SAMD12: variants seen among roughly 807,000 people sequenced by gnomAD.
SAMD12 encodes sterile alpha motif domain containing 12, also known as sterile alpha motif domain-containing protein 12.
A neutral mutation model predicts 15.0 loss-of-function variants in SAMD12; 9 were observed. That is an observed-to-expected ratio of 0.60 (90% CI 0.36 to 1.05). SAMD12 has a LOEUF of 1.05. SAMD12 is among the 50% of genes least tolerant of loss of function. The pLI, the probability that SAMD12 is intolerant of heterozygous loss-of-function variation, is 0.01. For synonymous variants in SAMD12, 86 were observed against 90.1 expected (o/e 0.96, Z 0.25); for missense variants, 230 against 234.2 (o/e 0.98, Z 0.12).
chr8:118,476,150 G>C (rs149727721), intron 2 of SAMD12, among the ~76,000 whole-genome samples: 1,582 of 152,268 alleles, frequency 0.01, 31 homozygotes, highest in African/African-American at 0.035. Context: ...CACACTTCCT[G>C]ACCTGAATGA....
chr8:118,139,361 G>T, the SAMD12 span, among the ~76,000 whole-genome samples: 1 of 152,070 alleles, frequency 6.6e-6, no homozygotes, highest in South Asian at 2.1e-4. Context: ...TATTTGTTTA[G>T]TTTTAGTTTA....
chr8:118,144,136 C>T, the SAMD12 span, among the ~76,000 whole-genome samples: 16 of 152,072 alleles, frequency 1.1e-4, no homozygotes, highest in African/African-American at 3.6e-4. Context: ...TGTGTTTTCT[C>T]CTCTGTGTGT....
At chr8:118,518,356 T>C (rs1212455578) in intron 2 of SAMD12, among the ~76,000 whole-genome samples, 2 of 152,194 alleles carry the variant, frequency 1.3e-5, no homozygotes, top group Admixed American at 6.5e-5. Context: ...GAACCTGTGA[T>C]AGGAAGTAAC....
At chr8:118,458,321 T>A (rs971105099) in intron 2 of SAMD12, among the ~76,000 whole-genome samples, 3 of 152,198 alleles carry the variant, frequency 2.0e-5, no homozygotes, top group African/African-American at 7.2e-5. Context: ...TCATCTTCTG[T>A]CTTTGCATGC....
intron 4 of SAMD12, among the ~76,000 whole-genome samples, chr8:118,278,996 GGGCTTCCCTAGCTCTGC>G (rs1813539491): frequency 3.9e-5 from 6 of 152,132 alleles, no homozygotes; most frequent in Admixed American, 3.9e-4. Context: ...CTTTCCCAAT[GGGCTTCCCTAGCTCTGC>G]TATTAAAAAT....
intron 4 of SAMD12, among the ~76,000 whole-genome samples, chr8:118,212,280 G>C (rs1052290312): frequency 2.6e-5 from 4 of 151,914 alleles, no homozygotes; most frequent in Admixed American, 6.6e-5. Flanking sequence ...GACTACAGGT[G>C]TGTGCCACCA....
At chr8:118,420,086 C>T (rs1013495928) in intron 3 of SAMD12, among the ~76,000 whole-genome samples, 1 of 152,180 alleles carries the variant, frequency 6.6e-6, no homozygotes, top group African/African-American at 2.4e-5. Flanking sequence ...GCCTTGGAGA[C>T]GTATGATTTC....
intron 2 of SAMD12, among the ~76,000 whole-genome samples, chr8:118,515,427 T>A (rs192049552): frequency 1.2e-4 from 19 of 152,240 alleles, no homozygotes; most frequent in Admixed American, 2.0e-4. Flanking sequence ...GTGCTTCCCA[T>A]ACAGCCTGTG....
At chr8:118,482,641 T>C (rs1348783354) in intron 2 of SAMD12, among the ~76,000 whole-genome samples, 4 of 152,192 alleles carry the variant, frequency 2.6e-5, no homozygotes, top group Non-Finnish European at 5.9e-5. Context: ...GCAAATACTA[T>C]GCAATTTTAT....
At chr8:118,311,456 CAAAGCACG>C (rs1373864079) in intron 4 of SAMD12, among the ~76,000 whole-genome samples, 7 of 152,226 alleles carry the variant, frequency 4.6e-5, no homozygotes, top group African/African-American at 1.7e-4. Flanking sequence ...CTCTGGCCTA[CAAAGCACG>C]AAACACTTAC....
At chr8:118,434,419 T>C (rs1822513477) in intron 3 of SAMD12, among the ~76,000 whole-genome samples, 1 of 152,188 alleles carries the variant, frequency 6.6e-6, no homozygotes, top group South Asian at 2.1e-4. Flanking sequence ...CAAAGCAGCT[T>C]TTAAAAAATA....
chr8:118,300,973 T>C (rs1463322072), intron 4 of SAMD12, among the ~76,000 whole-genome samples: 1 of 152,160 alleles, frequency 6.6e-6, no homozygotes, highest in African/African-American at 2.4e-5. Flanking sequence ...ATTTATGGAG[T>C]CAAATAATTT....
intron 4 of SAMD12, among the ~76,000 whole-genome samples, chr8:118,218,524 C>A (rs562687954): frequency 6.6e-6 from 1 of 151,630 alleles, no homozygotes; most frequent in African/African-American, 2.4e-5. Context: ...ATCTCCCCAC[C>A]CCCACCCCTG....
chr8:118,269,808 C>T (rs1056196941), intron 4 of SAMD12, among the ~76,000 whole-genome samples: 1 of 152,138 alleles, frequency 6.6e-6, no homozygotes, highest in East Asian at 1.9e-4. Flanking sequence ...TTGCATAAAA[C>T]ACCTGCACCC....
At chr8:118,218,208 G>T (rs1302984717) in intron 4 of SAMD12, among the ~76,000 whole-genome samples, 3 of 152,062 alleles carry the variant, frequency 2.0e-5, no homozygotes, top group African/African-American at 4.8e-5. Context: ...ACAATTCACA[G>T]CATGGTACTG....
intron 1 of SAMD12, among the ~76,000 whole-genome samples, chr8:118,586,940 A>C (rs1827465263): frequency 6.6e-6 from 1 of 152,192 alleles, no homozygotes; most frequent in African/African-American, 2.4e-5. Context: ...TTCCAATCTA[A>C]TTGTGTAATT....
chr8:118,391,075 A>G (rs919032673), intron 3 of SAMD12, among the ~76,000 whole-genome samples: 10 of 152,178 alleles, frequency 6.6e-5, no homozygotes, highest in Admixed American at 5.2e-4. Context: ...CAGTATGTTA[A>G]AGGTTAAATA....
At chr8:118,442,031 A>C (rs183650344) in intron 2 of SAMD12, among the ~76,000 whole-genome samples, 2 of 152,324 alleles carry the variant, frequency 1.3e-5, no homozygotes, top group East Asian at 3.9e-4. Flanking sequence ...TCTTCCAGCC[A>C]AGGCCCCCAG....
chr8:118,435,879 G>A (rs940978284), intron 3 of SAMD12, among the ~76,000 whole-genome samples: 3 of 152,164 alleles, frequency 2.0e-5, no homozygotes, highest in Non-Finnish European at 2.9e-5. Context: ...GGGAGAATCC[G>A]AACAGCGGAC....
Sources: allele counts gnomAD v4.1 joint callset (sites outside exome capture counted in the v4.1 genomes callset), GRCh38; gene constraint gnomAD v4.1.1; transcripts MANE v1.5; gene names NCBI Gene and HGNC (gene_info 2026-07-23, HGNC 2026-07-21).